The following C7 variants were observed in gnomAD, a reference collection of about 807,000 sequenced individuals.
C7 encodes the protein complement C7.
Under a neutral mutation model 104.8 loss-of-function variants are expected in C7, and 83 were observed. That is an observed-to-expected ratio of 0.79 (90% CI 0.66 to 0.95). The LOEUF is 0.95. Ranked by LOEUF, C7 falls within the 40% of genes least tolerant of loss-of-function variation. C7 has a pLI of 0.00. For missense variants in C7, 1,070 were observed against 1,011.2 expected (o/e 1.06, Z -0.79); for synonymous variants, 415 against 360.6 (o/e 1.15, Z -1.71).
intron 12 of C7, among the ~76,000 whole-genome samples, chr5:40,960,889 A>T (rs3805217): frequency 0.2 from 29,929 of 151,838 alleles, 3,597 homozygotes; most frequent in South Asian, 0.37. Context: ...CATCATTATC[A>T]TTATCTTTAT....
rs1162765793 is a variant in C7, at chr5:40,975,366, C to CTTTTT, written c.2075-1373_2075-1369dup. 4.2e-4 allele frequency among the ~76,000 whole-genome samples: 59 copies of CTTTTT among 142,022 alleles called. 7 individuals carry two copies. Among genetic ancestry groups the CTTTTT allele is most frequent in the South Asian group, 4.6e-4 (2 of 4,382 alleles). 93.2% of individuals were successfully genotyped at this position (142,022 alleles called of 152,430 possible). On this transcript the variant is annotated intron_variant, in intron 15 of 17. Transcript: ENST00000313164. The stretch of plus-strand genomic sequence containing the variant: ...TAATACCATTTTAAAGAGAAGTGTG[C>CTTTTT]TTTTTTTTTTTTTTTGAGACAAGGT...
chr5:40,957,032 G>A (rs1740302811), intron 10 of C7, among the ~76,000 whole-genome samples: 1 of 152,178 alleles, frequency 6.6e-6, no homozygotes, highest in Non-Finnish European at 1.5e-5. Context: ...AGAAAGAAAA[G>A]GCACTATGCA....
chr5:40,981,319 C>T, intron 17 of C7, 73 bp from the exon 18 acceptor site: 24 of 1,367,892 alleles, frequency 1.8e-5, no homozygotes, highest in Non-Finnish European at 2.4e-5. Context: ...CACATTATTA[C>T]TTTGGAGGTG....
intron 1 of C7, 25 bp from the exon 2 acceptor site, chr5:40,928,555 A>C: frequency 7.5e-7 from 1 of 1,331,416 alleles, no homozygotes; most frequent in Non-Finnish European, 1.0e-6. Flanking sequence ...AGCTAAAATA[A>C]TACTTTATTG....
intron 8 of C7, 93 bp downstream of exon 8, chr5:40,947,938 T>G (rs1419284075): frequency 2.3e-6 from 3 of 1,279,796 alleles, no homozygotes; most frequent in Non-Finnish European, 3.3e-6. Context: ...AGCTTTAAAA[T>G]TTGACAAACA....
chr5:40,947,684 A>G lies in C7; in HGVS notation c.821A>G (p.Glu274Gly). The change falls in exon 8 of 18, where the codon GAG (glutamate) becomes GGG (glycine). Residue 274 changes from glutamate (E) to glycine (G), a missense_variant. Transcript: ENST00000313164. Reference sequence around the variant, plus strand: ...AATCCAGAATTTTTACAACTTGCTGAGCCATTCTGGAAGGAGCTTTCCCAC... The same window carrying G: ...AATCCAGAATTTTTACAACTTGCTGGGCCATTCTGGAAGGAGCTTTCCCAC... ...NNNPEFLQLAEPFWKELSHLP... is the reference protein window; with the variant it reads ...NNNPEFLQLAGPFWKELSHLP... 6.2e-7 allele frequency: 1 copy of G among 1,613,728 alleles called. No homozygotes were observed.
chr5:40,966,259 C>G (rs954878310), intron 14 of C7, among the ~76,000 whole-genome samples: 1 of 152,088 alleles, frequency 6.6e-6, no homozygotes, highest in Admixed American at 6.6e-5. Flanking sequence ...ATCCCTTACC[C>G]CCTTCCCACC....
At chr5:40,972,184 GA>G (rs1740711880) in intron 14 of C7, 3 of 579,414 alleles carry the variant, frequency 5.2e-6, no homozygotes, top group South Asian at 2.0e-5. Context: ...AGGGGTGGGA[GA>G]GGGGGAGCTG....
In C7 at chr5:40,909,523, T is replaced by C; in HGVS notation, c.-88T>C. ...GGGAGAGGCAGAGAGGCAGGCAGCC[T>C]GCTGGGCTCTTCCTGCTGTTGAAAA... On this transcript the variant is annotated 5_prime_UTR_variant, in exon 1 of 18. Transcript: ENST00000313164. 1.0e-6 allele frequency: 1 copy of C among 991,140 alleles called. No individual in the cohort carries two copies. Among genetic ancestry groups the C allele is most frequent in the Non-Finnish European group, 1.5e-6 (1 of 650,848 alleles). The allele number at this position is 991,140 out of a possible 1,614,324, so 61.4% of individuals were successfully genotyped here.
intron 9 of C7, among the ~76,000 whole-genome samples, chr5:40,951,214 G>A (rs1214360831): frequency 1.3e-5 from 2 of 151,968 alleles, no homozygotes; most frequent in Admixed American, 6.6e-5. Flanking sequence ...ATTTTTAATG[G>A]GGTTATTTAT....
intron 15 of C7, among the ~76,000 whole-genome samples, chr5:40,975,364 TGC>T (rs71582498): frequency 0.26 from 33,731 of 130,360 alleles, 4,657 homozygotes; most frequent in South Asian, 0.41. Flanking sequence ...AAGAGAAGTG[TGC>T]TTTTTTTTTT....
chr5:40,927,368 G>A (rs1739575963), intron 1 of C7, among the ~76,000 whole-genome samples: 1 of 151,902 alleles, frequency 6.6e-6, no homozygotes, highest in Non-Finnish European at 1.5e-5. Context: ...CAAAAGTGCA[G>A]GCAACAAATG....
intron 8 of C7, among the ~76,000 whole-genome samples, chr5:40,948,693 C>T (rs1230459018): frequency 1.3e-5 from 2 of 152,146 alleles, no homozygotes; most frequent in African/African-American, 4.8e-5. Context: ...AGAGACTAGC[C>T]TTGGCTTACT....
chr5:40,954,891 A>AAG (rs1561251145), intron 9 of C7: 16 of 264,444 alleles, frequency 6.1e-5, no homozygotes, highest in East Asian at 3.4e-4. Flanking sequence ...AAAAAAAAAA[A>AAG]AAAAAAAAAA....
chr5:40,975,236 T>C (rs115726489), intron 15 of C7, among the ~76,000 whole-genome samples: 35 of 152,308 alleles, frequency 2.3e-4, no homozygotes, highest in Non-Finnish European at 2.6e-4. Flanking sequence ...ATTAGTACAA[T>C]GCTATTGACT....
intron 13 of C7, among the ~76,000 whole-genome samples, chr5:40,964,251 C>T (rs1740494519): frequency 6.6e-6 from 1 of 151,736 alleles, no homozygotes; most frequent in East Asian, 1.9e-4. Context: ...CTATGTTGGC[C>T]AGGCTGGTCT....
chr5:40,940,235 G>A (rs1218225180), intron 6 of C7, among the ~76,000 whole-genome samples: 1 of 152,144 alleles, frequency 6.6e-6, no homozygotes, highest in Non-Finnish European at 1.5e-5. Context: ...TCGGTTTTTA[G>A]CATCGCGGTT....
intron 2 of C7, among the ~76,000 whole-genome samples, chr5:40,929,401 A>C (rs1472293812): frequency 6.6e-6 from 1 of 152,164 alleles, no homozygotes. Context: ...GTAAGTTCAG[A>C]TTGTTCAAGG....
At position 40,947,721 on chromosome 5, in the gene C7, G is replaced by A; in HGVS notation, c.858G>A (p.Leu286=). 4 of 1,613,728 alleles carry A rather than the reference G, an allele frequency of 2.5e-6. No individual in the cohort carries two copies. Among genetic ancestry groups the A allele is most frequent in the Non-Finnish European group, 2.5e-6 (3 of 1,179,776 alleles). ...AGGAGCTTTCCCACCTCCCCTCTCTGTATGACTACAGTGCCTACCGAAGAT... is the reference window on the plus strand; with the variant it reads ...AGGAGCTTTCCCACCTCCCCTCTCTATATGACTACAGTGCCTACCGAAGAT... ...FWKELSHLPS[L]YDYSAYRRLI... The change falls in exon 8 of 18, where the codon CTG becomes CTA. Residue 286 remains leucine (L), a synonymous_variant. Transcript: ENST00000313164.
Sources: allele counts gnomAD v4.1 joint callset (sites outside exome capture counted in the v4.1 genomes callset), GRCh38; gene constraint gnomAD v4.1.1; transcripts MANE v1.5; gene names NCBI Gene and HGNC (gene_info 2026-07-23, HGNC 2026-07-21).